NCOA7: variants seen among roughly 807,000 people sequenced by gnomAD.
The protein encoded by NCOA7 is 140 kDa estrogen receptor-associated protein.
A neutral mutation model predicts 104.3 loss-of-function variants in NCOA7; 45 were observed. The observed-to-expected ratio is 0.43, with a 90% CI of 0.34 to 0.55. The LOEUF (loss-of-function observed/expected upper bound fraction) is 0.55, where lower values mean the gene tolerates loss of function less well. Ranked by LOEUF, NCOA7 falls within the 20% of genes least tolerant of loss-of-function variation. The probability of loss-of-function intolerance (pLI) is 0.02; values close to 1 mark genes in which losing one functional copy is unlikely to be tolerated. For missense variants in NCOA7, 1,041 were observed against 1,119.7 expected (o/e 0.93, Z 1.00); for synonymous variants, 398 against 402.3 (o/e 0.99, Z 0.13).
At chr6:125,817,614 T>C (rs1777713973) in intron 2 of NCOA7, among the ~76,000 whole-genome samples, 1 of 152,224 alleles carries the variant, frequency 6.6e-6, no homozygotes, top group Admixed American at 6.5e-5. Context: ...TCTAATTGAA[T>C]TGTTTAGGTT....
intron 2 of NCOA7, among the ~76,000 whole-genome samples, chr6:125,825,269 GT>G (rs1022164656): frequency 2.0e-5 from 3 of 151,330 alleles, no homozygotes; most frequent in African/African-American, 7.3e-5. Flanking sequence ...GGTATTGAAA[GT>G]TACAGTGAGC....
At chr6:125,928,327 A>G in intron 15 of NCOA7, 80 bp downstream of exon 15, 1 of 1,277,076 alleles carries the variant, frequency 7.8e-7, no homozygotes, top group East Asian at 2.3e-5. Flanking sequence ...CTACGTAGTT[A>G]AAACTTCGGT....
Position 125,872,673 on chromosome 6 carries a change from A to G in NCOA7, c.272-2216A>G, listed in dbSNP as rs112877312. Among the ~76,000 whole-genome samples, 717 of 152,376 alleles carry G rather than the reference A, an allele frequency of 4.7e-3. 2 individuals carry two copies. The highest frequency in any genetic ancestry group is 0.016 in the African/African-American group (674 of 41,598). On this transcript the variant is annotated intron_variant, in intron 3 of 15. Transcript: ENST00000392477. Reference sequence around the variant, plus strand: ...GAAATTTTTCAGATTCTTTAGAAGGAAAGAAAGACGAGTATTGTTAATGTT... The same window carrying G: ...GAAATTTTTCAGATTCTTTAGAAGGGAAGAAAGACGAGTATTGTTAATGTT...
At chr6:125,820,041 A>G (rs1197890922) in intron 2 of NCOA7, among the ~76,000 whole-genome samples, 1 of 152,196 alleles carries the variant, frequency 6.6e-6, no homozygotes, top group Non-Finnish European at 1.5e-5. Flanking sequence ...CTGGGTGTTC[A>G]TGTAGGTCCC....
At chr6:125,814,865 T>C (rs1777436010) in intron 1 of NCOA7, among the ~76,000 whole-genome samples, 1 of 152,210 alleles carries the variant, frequency 6.6e-6, no homozygotes, top group African/African-American at 2.4e-5. Flanking sequence ...TAAAAAAACA[T>C]TCTTGTAAAA....
intron 2 of NCOA7, among the ~76,000 whole-genome samples, chr6:125,835,930 C>T (rs534402134): frequency 2.6e-5 from 4 of 152,184 alleles, no homozygotes; most frequent in African/African-American, 9.7e-5. Context: ...TTTTTAGACA[C>T]TGTACATGTC....
chr6:125,881,972 G>T (rs1190159918), intron 6 of NCOA7, among the ~76,000 whole-genome samples: 3 of 152,136 alleles, frequency 2.0e-5, no homozygotes, highest in African/African-American at 7.2e-5. Flanking sequence ...TCCTGCCTCA[G>T]CCTCCTAAGT....
At position 125,855,255 on chromosome 6, in the gene NCOA7, C is replaced by A; in HGVS notation, c.271+15C>A. 1 of 1,541,512 alleles carries A rather than the reference C, an allele frequency of 6.5e-7. No individual in the cohort carries two copies. Among genetic ancestry groups the A allele is most frequent in the South Asian group, 1.2e-5 (1 of 86,788 alleles). On this transcript the variant is annotated intron_variant, in intron 3 of 15. Coordinates refer to ENST00000392477, the MANE Select transcript of NCOA7 (RefSeq NM_181782.5). ...TTATAGTATTGGTGAGTATTCATGGCGTTACTGCAGTATTTTCATTTAAAA... is the reference window on the plus strand; with the variant it reads ...TTATAGTATTGGTGAGTATTCATGGAGTTACTGCAGTATTTTCATTTAAAA...
At chr6:125,899,034 T>C (rs915686273) in intron 10 of NCOA7, among the ~76,000 whole-genome samples, 2 of 152,194 alleles carry the variant, frequency 1.3e-5, no homozygotes, top group Admixed American at 6.5e-5. Flanking sequence ...ATATAGTATA[T>C]GTAAATTGCT....
intron 2 of NCOA7, among the ~76,000 whole-genome samples, chr6:125,832,866 T>C (rs1440355302): frequency 6.6e-6 from 1 of 152,188 alleles, no homozygotes; most frequent in Non-Finnish European, 1.5e-5. Context: ...CCTCGGCTGC[T>C]CCAGATTTCA....
chr6:125,810,874 A>T (rs1268169908), intron 1 of NCOA7, among the ~76,000 whole-genome samples: 1 of 152,242 alleles, frequency 6.6e-6, no homozygotes, highest in African/African-American at 2.4e-5. Context: ...AAATAAAAAA[A>T]GCCTTACTGG....
At chr6:125,861,934 G>A (rs1426007828) in intron 3 of NCOA7, among the ~76,000 whole-genome samples, 4 of 140,388 alleles carry the variant, frequency 2.8e-5, no homozygotes, top group South Asian at 2.2e-4. Flanking sequence ...CTACTCAGGA[G>A]GCTGAGGCAG....
At chr6:125,806,464 G>A (rs139658544) in intron 1 of NCOA7, among the ~76,000 whole-genome samples, 6 of 152,194 alleles carry the variant, frequency 3.9e-5, no homozygotes, top group Non-Finnish European at 8.8e-5. Flanking sequence ...ATAAAATCTC[G>A]GCTTTAAGGG....
chr6:125,914,516 T>TA (rs1786880765), intron 10 of NCOA7, among the ~76,000 whole-genome samples: 1 of 152,232 alleles, frequency 6.6e-6, no homozygotes, highest in Non-Finnish European at 1.5e-5. Context: ...TTATAAATTT[T>TA]AAAAATCATA....
intron 3 of NCOA7, among the ~76,000 whole-genome samples, chr6:125,856,671 A>G (rs1420595172): frequency 6.6e-6 from 1 of 151,868 alleles, no homozygotes; most frequent in Admixed American, 6.5e-5. Context: ...TGTTTAATGT[A>G]ACCTTCCAAC....
chr6:125,789,599 A>G (rs903151346), upstream of NCOA7, among the ~76,000 whole-genome samples: 1 of 152,250 alleles, frequency 6.6e-6, no homozygotes, highest in Non-Finnish European at 1.5e-5. Context: ...ACAGAAAAAA[A>G]AAATCCAACA....
chr6:125,815,507 A>G (rs1777508847), intron 2 of NCOA7, 103 bp downstream of exon 2: 2 of 909,380 alleles, frequency 2.2e-6, no homozygotes, highest in South Asian at 1.6e-5. Flanking sequence ...GTGCTTGTTC[A>G]TAAATAGAGC....
chr6:125,922,241 G>A (rs566154856), intron 12 of NCOA7, among the ~76,000 whole-genome samples: 5 of 152,350 alleles, frequency 3.3e-5, no homozygotes, highest in South Asian at 4.1e-4. Context: ...AACACTAAAC[G>A]TCCCTGTTTT....
chr6:125,888,824 A>G (rs1562142163), intron 8 of NCOA7, 115 bp from the exon 9 acceptor site: 1 of 618,246 alleles, frequency 1.6e-6, no homozygotes, highest in Non-Finnish European at 2.8e-6. Flanking sequence ...AAGTTGTGAT[A>G]TATTTATGTA....
Sources: allele counts gnomAD v4.1 joint callset (sites outside exome capture counted in the v4.1 genomes callset), GRCh38; gene constraint gnomAD v4.1.1; transcripts MANE v1.5; gene names NCBI Gene and HGNC (gene_info 2026-07-23, HGNC 2026-07-21).